The following INO80 variants were observed in gnomAD, a reference collection of about 807,000 sequenced individuals.
The protein encoded by INO80 is chromatin-remodeling ATPase INO80.
INO80 carries 20 observed loss-of-function variants against 203.4 expected under a neutral mutation model. That is an observed-to-expected ratio of 0.10 (90% CI 0.07 to 0.14). The LOEUF (loss-of-function observed/expected upper bound fraction) is 0.14. Ranked by LOEUF, INO80 falls within the 10% of genes least tolerant of loss-of-function variation. The pLI is 1.00. For missense variants in INO80, 1,419 were observed against 1,914.4 expected (o/e 0.74, Z 4.83); for synonymous variants, 726 against 685.2 (o/e 1.06, Z -0.93).
chr15:40,999,326 T>TA (rs1239838758), intron 28 of INO80: 1 of 152,206 alleles, frequency 6.6e-6, no homozygotes, highest in African/African-American at 2.4e-5. Flanking sequence ...TCCTGGACTA[T>TA]AAAATGAAGA....
At chr15:41,053,116 T>A (rs2044913131) in intron 19 of INO80, among the ~76,000 whole-genome samples, 1 of 152,120 alleles carries the variant, frequency 6.6e-6, no homozygotes, top group African/African-American at 2.4e-5. Context: ...TTCTGACATT[T>A]TTTTTTTGAG....
chr15:41,100,022 T>A (rs1173453492), intron 1 of INO80, among the ~76,000 whole-genome samples: 1 of 152,154 alleles, frequency 6.6e-6, no homozygotes, highest in African/African-American at 2.4e-5. Flanking sequence ...AAAATGACAC[T>A]AATTAAGGAG....
intron 12 of INO80, among the ~76,000 whole-genome samples, chr15:41,071,282 C>G (rs1366622874): frequency 6.6e-6 from 1 of 152,086 alleles, no homozygotes; most frequent in Non-Finnish European, 1.5e-5. Flanking sequence ...TTCTAGGGTA[C>G]ATGTGCACAA....
intron 25 of INO80, among the ~76,000 whole-genome samples, chr15:41,027,065 G>C (rs561111464): frequency 1.3e-5 from 2 of 152,240 alleles, no homozygotes; most frequent in African/African-American, 4.8e-5. Flanking sequence ...AGATGGAACA[G>C]ACATGTGAAT....
chr15:41,011,467 GA>G (rs971273537), intron 27 of INO80: 9 of 152,044 alleles, frequency 5.9e-5, no homozygotes, highest in African/African-American at 2.2e-4. Context: ...TAGCATGGAG[GA>G]AAAAAGAATT....
intron 27 of INO80, among the ~76,000 whole-genome samples, chr15:41,007,182 C>CT (rs11330780): frequency 0.033 from 3,896 of 119,154 alleles, 115 homozygotes; most frequent in Non-Finnish European, 0.049. Context: ...TTTTTTTTTT[C>CT]TTTTTTTTTT....
chr15:41,053,851 A>G (rs1437335402), intron 19 of INO80, 78 bp downstream of exon 19: 18 of 1,069,964 alleles, frequency 1.7e-5, no homozygotes, highest in Admixed American at 6.1e-5. Context: ...AACTAAACAT[A>G]TATCAATAAA....
intron 32 of INO80, among the ~76,000 whole-genome samples, chr15:40,984,898 C>G (rs4609821): frequency 0.99 from 151,091 of 152,342 alleles, 74,936 homozygotes; most frequent in Middle Eastern, 1. Flanking sequence ...TAGAGAAAAA[C>G]AGATGAACAG....
intron 25 of INO80, among the ~76,000 whole-genome samples, chr15:41,021,864 T>C (rs2044299836): frequency 6.6e-6 from 1 of 152,224 alleles, no homozygotes; most frequent in Non-Finnish European, 1.5e-5. Flanking sequence ...CTCCTGCCAA[T>C]TCAGAAACAC....
intron 27 of INO80, among the ~76,000 whole-genome samples, chr15:41,007,859 A>G (rs1338713017): frequency 3.3e-5 from 5 of 152,164 alleles, no homozygotes; most frequent in South Asian, 4.2e-4. Context: ...GAAAACACCT[A>G]AAAGACAAAG....
At chr15:41,097,258 C>T (rs958083132) in intron 1 of INO80, among the ~76,000 whole-genome samples, 2 of 151,874 alleles carry the variant, frequency 1.3e-5, no homozygotes, top group African/African-American at 4.8e-5. Context: ...GTTGGTCAGG[C>T]TGGTCTTGAA....
rs769505267 is a variant in INO80, at chr15:40,997,521, T to C, written c.3570+8A>G. Reference sequence around the variant, plus strand: ...GCATATCTAGTTGATTGTGCTCTCATTACTTACTGTGTCTGCAGCAGTGAG... The same window carrying C: ...GCATATCTAGTTGATTGTGCTCTCACTACTTACTGTGTCTGCAGCAGTGAG... On this transcript the variant is annotated splice_region_variant and intron_variant, in intron 29 of 35. Coordinates refer to ENST00000648947, the MANE Select transcript of INO80 (RefSeq NM_017553.3). 1 of 1,587,472 alleles carries C rather than the reference T, an allele frequency of 6.3e-7. No homozygotes were observed. The highest frequency in any genetic ancestry group is 2.2e-5 in the East Asian group (1 of 44,724).
chr15:41,090,299 G>A (rs1213621451), intron 5 of INO80, among the ~76,000 whole-genome samples: 1 of 152,228 alleles, frequency 6.6e-6, no homozygotes, highest in African/African-American at 2.4e-5. Context: ...GATTGGGCTG[G>A]GGATGGTGGC....
chr15:41,110,511 G>A (rs879831134), intron 1 of INO80, among the ~76,000 whole-genome samples: 6 of 151,958 alleles, frequency 3.9e-5, no homozygotes, highest in Admixed American at 2.0e-4. Context: ...GGATCACAGC[G>A]CACTATAGCC....
intron 24 of INO80, among the ~76,000 whole-genome samples, chr15:41,036,184 A>AAC: frequency 6.7e-6 from 1 of 148,992 alleles, no homozygotes; most frequent in Admixed American, 6.7e-5. Context: ...AAAAAAAAAA[A>AAC]ACCCAAAAAA....
intron 1 of INO80, among the ~76,000 whole-genome samples, chr15:41,113,081 A>C (rs1027205833): frequency 1.3e-5 from 2 of 151,370 alleles, no homozygotes; most frequent in African/African-American, 4.9e-5. Context: ...ATGCTTAGCT[A>C]ATTTTTGTAT....
intron 24 of INO80, among the ~76,000 whole-genome samples, chr15:41,041,110 G>A (rs1462051984): frequency 1.3e-5 from 2 of 152,168 alleles, no homozygotes; most frequent in Non-Finnish European, 2.9e-5. Context: ...CACTCTCCGA[G>A]GCTCAGAGTG....
intron 35 of INO80, among the ~76,000 whole-genome samples, chr15:40,982,546 A>C (rs1307614459): frequency 6.6e-6 from 1 of 152,244 alleles, no homozygotes; most frequent in Non-Finnish European, 1.5e-5. Flanking sequence ...GGATTACTAA[A>C]ATGTGGATCT....
At chr15:41,096,860 T>TATTTACAAG (rs2045732608) in intron 1 of INO80, among the ~76,000 whole-genome samples, 1 of 152,244 alleles carries the variant, frequency 6.6e-6, no homozygotes, top group African/African-American at 2.4e-5. Context: ...ATAGATGTAT[T>TATTTACAAG]GGCAGAGTAT....
Sources: allele counts gnomAD v4.1 joint callset (sites outside exome capture counted in the v4.1 genomes callset), GRCh38; gene constraint gnomAD v4.1.1; transcripts MANE v1.5; gene names NCBI Gene and HGNC (gene_info 2026-07-23, HGNC 2026-07-21).